The following NRG3 variants were observed in gnomAD, a reference collection of about 807,000 sequenced individuals.
The protein encoded by NRG3 is neuregulin 3.
NRG3 carries 31 observed loss-of-function variants against 66.9 expected under a neutral mutation model. The observed-to-expected ratio is 0.46, with a 90% CI of 0.35 to 0.63. The LOEUF (loss-of-function observed/expected upper bound fraction) is 0.63, where lower values mean the gene tolerates loss of function less well. NRG3 is among the 20% of genes least tolerant of loss of function. NRG3 has a pLI of 0.00. For missense variants in NRG3, 910 were observed against 878.9 expected (o/e 1.04, Z -0.45); for synonymous variants, 393 against 359.4 (o/e 1.09, Z -1.06).
intron 1 of NRG3, among the ~76,000 whole-genome samples, chr10:81,932,896 G>A (rs902020952): frequency 1.2e-4 from 18 of 151,896 alleles, no homozygotes; most frequent in African/African-American, 4.1e-4. Context: ...ATCACAAGGT[G>A]AGGAGTTCAA....
intron 2 of NRG3, among the ~76,000 whole-genome samples, chr10:82,680,531 C>G (rs902141204): frequency 1.3e-5 from 2 of 152,118 alleles, no homozygotes; most frequent in African/African-American, 4.8e-5. Flanking sequence ...GAAATCAAAC[C>G]ATAAATGTCT....
chr10:82,135,121 C>CA (rs199531519), intron 1 of NRG3, among the ~76,000 whole-genome samples: 1,026 of 83,982 alleles, frequency 0.012, 6 homozygotes, highest in African/African-American at 0.024. Context: ...GACTCCCTCT[C>CA]AAAAAAAAAA....
chr10:82,940,120 T>C (rs1002858738), intron 4 of NRG3, among the ~76,000 whole-genome samples: 6 of 152,168 alleles, frequency 3.9e-5, no homozygotes, highest in Non-Finnish European at 5.9e-5. Context: ...GCAAAAGGAA[T>C]GCAGAAGGGA....
chr10:82,184,748 T>G (rs2073688825), intron 1 of NRG3, among the ~76,000 whole-genome samples: 1 of 152,132 alleles, frequency 6.6e-6, no homozygotes, highest in Admixed American at 6.6e-5. Context: ...AGCTGATATC[T>G]TACTGGTTTA....
intron 2 of NRG3, among the ~76,000 whole-genome samples, chr10:82,566,811 A>G (rs1026298117): frequency 6.6e-6 from 1 of 152,036 alleles, no homozygotes; most frequent in Non-Finnish European, 1.5e-5. Context: ...TAAATAAAAA[A>G]ATAGTCGTCT....
intron 2 of NRG3, among the ~76,000 whole-genome samples, chr10:82,570,971 T>A (rs1033331541): frequency 6.6e-6 from 1 of 151,664 alleles, no homozygotes; most frequent in African/African-American, 2.4e-5. Flanking sequence ...AAATTCCCCT[T>A]TTCTGTGCTT....
intron 1 of NRG3, among the ~76,000 whole-genome samples, chr10:81,903,118 A>G (rs1844238561): frequency 1.3e-5 from 2 of 152,122 alleles, no homozygotes; most frequent in South Asian, 4.1e-4. Context: ...TCTCTGTTCC[A>G]TTTCCCCCCA....
intron 1 of NRG3, among the ~76,000 whole-genome samples, chr10:82,161,534 AT>A (rs1296791893): frequency 2.6e-5 from 4 of 152,046 alleles, no homozygotes; most frequent in African/African-American, 4.8e-5. Flanking sequence ...CGAGGTAGAT[AT>A]TTTTTCCCCA....
chr10:82,927,671 A>C (rs1301850152), intron 4 of NRG3, among the ~76,000 whole-genome samples: 1 of 152,110 alleles, frequency 6.6e-6, no homozygotes, highest in Non-Finnish European at 1.5e-5. Flanking sequence ...AAGGACATGA[A>C]CTCATCCTTT....
At chr10:82,601,941 G>C (rs1412873106) in intron 2 of NRG3, among the ~76,000 whole-genome samples, 6 of 146,866 alleles carry the variant, frequency 4.1e-5, no homozygotes, top group African/African-American at 1.5e-4. Flanking sequence ...TAGTTAACTA[G>C]GCTTGGTGGT....
intron 3 of NRG3, among the ~76,000 whole-genome samples, chr10:82,815,844 TG>T (rs2135537009): frequency 6.6e-6 from 1 of 152,168 alleles, no homozygotes. Flanking sequence ...GTGAGGGGTG[TG>T]TGGGCAAGCA....
chr10:82,602,475 A>AATTATTAT (rs1323753518), intron 2 of NRG3, among the ~76,000 whole-genome samples: 2 of 151,952 alleles, frequency 1.3e-5, no homozygotes, highest in African/African-American at 2.4e-5. Context: ...ATATTTATTA[A>AATTATTAT]ATTATTATAT....
At chr10:82,243,932 A>C (rs1167101555) in intron 1 of NRG3, among the ~76,000 whole-genome samples, 1 of 152,132 alleles carries the variant, frequency 6.6e-6, no homozygotes, top group African/African-American at 2.4e-5. Context: ...GCTTGAGGTG[A>C]AGATCTGTCT....
chr10:82,677,437 G>A (rs7086223), intron 2 of NRG3, among the ~76,000 whole-genome samples: 13,036 of 152,030 alleles, frequency 0.086, 1,726 homozygotes, highest in African/African-American at 0.29. Flanking sequence ...GCACTTTTTG[G>A]TACTGACACT....
At chr10:82,530,309 G>T (rs1456797788) in intron 2 of NRG3, among the ~76,000 whole-genome samples, 1 of 151,848 alleles carries the variant, frequency 6.6e-6, no homozygotes, top group African/African-American at 2.4e-5. Context: ...TCATAACTGG[G>T]TCCAAAAAGC....
chr10:81,947,909 ATAATAT>A (rs1182289419), intron 1 of NRG3, among the ~76,000 whole-genome samples: 1 of 152,074 alleles, frequency 6.6e-6, no homozygotes, highest in Non-Finnish European at 1.5e-5. Context: ...TGTTGGATTG[ATAATAT>A]TAAGAAGTTT....
intron 3 of NRG3, among the ~76,000 whole-genome samples, chr10:82,745,976 C>A (rs1288306234): frequency 6.6e-6 from 1 of 152,144 alleles, no homozygotes; most frequent in Non-Finnish European, 1.5e-5. Flanking sequence ...ACTGCAGCCT[C>A]AACTTTCTGG....
intron 1 of NRG3, among the ~76,000 whole-genome samples, chr10:82,334,487 A>G (rs575472086): frequency 1.3e-3 from 197 of 152,310 alleles, no homozygotes; most frequent in Non-Finnish European, 2.1e-3. Context: ...TCTAGAAGAC[A>G]ATGTCTGAGC....
chr10:82,019,199 G>C (rs1217680450), intron 1 of NRG3, among the ~76,000 whole-genome samples: 1 of 152,044 alleles, frequency 6.6e-6, no homozygotes, highest in Non-Finnish European at 1.5e-5. Context: ...ATAATCATGT[G>C]GTTTTTGTCT....
Sources: allele counts gnomAD v4.1 joint callset (sites outside exome capture counted in the v4.1 genomes callset), GRCh38; gene constraint gnomAD v4.1.1; transcripts MANE v1.5; gene names NCBI Gene and HGNC (gene_info 2026-07-23, HGNC 2026-07-21).